Variants in MAP7D2 observed in about 807,000 individuals in gnomAD.
MAP7D2 encodes the protein MAP7 domain containing 2, also known as MAP7 domain-containing protein 2.
Under a neutral mutation model 63.5 loss-of-function variants are expected in MAP7D2, and 33 were observed. The ratio of observed to expected loss-of-function variants is 0.52; its 90% CI spans 0.39 to 0.70. The LOEUF (loss-of-function observed/expected upper bound fraction) is 0.70. MAP7D2 is among the 30% of genes least tolerant of loss of function. The probability of loss-of-function intolerance (pLI) is 0.00; values close to 1 mark genes in which losing one functional copy is unlikely to be tolerated. For synonymous variants in MAP7D2, 224 were observed against 223.7 expected (o/e 1.00, Z -0.01); for missense variants, 626 against 604.0 (o/e 1.04, Z -0.38).
rs189871113 is a variant in MAP7D2 at position 20,074,908 on chromosome X, C to T, written c.131-10103G>A. ...ACTACAAAAAAATACAAAAAATTAG[C>T]TGGGTGTGGTGGTGTGTGCCTGTAG... On this transcript the variant is annotated intron_variant, in intron 1 of 16. Coordinates refer to ENST00000379643, the MANE Select transcript of MAP7D2 (RefSeq NM_001168465.2). 2.7e-5 allele frequency among the ~76,000 whole-genome samples: 3 copies of T among 110,716 alleles called. No individual in the cohort carries two copies. In the Admixed American group the frequency reaches 2.9e-4, roughly 11 times the overall value.
chrX:20,049,850 T>C (rs1331576089), intron 6 of MAP7D2: 2 of 323,993 alleles, frequency 6.2e-6, no homozygotes, highest in Non-Finnish European at 1.2e-5. Flanking sequence ...ACGTGGTTAT[T>C]TCCCCTTTTA....
chrX:20,114,575 C>T (rs148529028), intron 1 of MAP7D2, among the ~76,000 whole-genome samples: 2,469 of 112,348 alleles, frequency 0.022, 24 homozygotes, highest in Non-Finnish European at 0.034. Flanking sequence ...GAAGGCATCA[C>T]TAGGGGGTAA....
At chrX:20,068,157 CTG>C (rs1474296996) in intron 1 of MAP7D2, among the ~76,000 whole-genome samples, 5 of 112,278 alleles carry the variant, frequency 4.5e-5, no homozygotes, top group Non-Finnish European at 9.4e-5. Flanking sequence ...TGTGGAATCT[CTG>C]TGTTCATTTG....
intron 1 of MAP7D2, among the ~76,000 whole-genome samples, chrX:20,076,570 C>T (rs1291909698): frequency 1.8e-5 from 2 of 109,693 alleles, no homozygotes; most frequent in African/African-American, 6.6e-5. Context: ...GGCGTGGTGG[C>T]GTGCACCGTA....
intron 8 of MAP7D2, among the ~76,000 whole-genome samples, chrX:20,036,561 A>G (rs1008332381): frequency 1.3e-4 from 14 of 106,817 alleles, no homozygotes; most frequent in African/African-American, 4.7e-4. Flanking sequence ...CAATTCATCT[A>G]TAGAACAAAC....
intron 1 of MAP7D2, among the ~76,000 whole-genome samples, chrX:20,114,001 A>G (rs1184506666): frequency 1.8e-5 from 2 of 111,395 alleles, no homozygotes; most frequent in Admixed American, 9.6e-5. Flanking sequence ...GCAGTCTCCA[A>G]TAACCACCTA....
chrX:20,056,339 C>T (rs946745128), intron 4 of MAP7D2, among the ~76,000 whole-genome samples: 1 of 111,577 alleles, frequency 9.0e-6, no homozygotes, highest in African/African-American at 3.3e-5. Flanking sequence ...ACAGAGCCTC[C>T]TGCCGTTTCC....
In MAP7D2 at chrX:20,007,660, C is replaced by T. The variant is rs1459840575; in HGVS notation, c.*765G>A. On this transcript the variant is annotated 3_prime_UTR_variant, in exon 17 of 17. Coordinates refer to ENST00000379643, the MANE Select transcript of MAP7D2 (RefSeq NM_001168465.2). The stretch of plus-strand genomic sequence containing the variant: ...TAGGATTCATTCAGCTGGAAAGCCA[C>T]TCCATGGTCTGGAGTGACTACAGCA... The T allele has an allele frequency of 8.9e-6, 1 of 111,788 alleles. No individual in the cohort carries two copies. The highest frequency in any genetic ancestry group is 1.9e-5 in the Non-Finnish European group (1 of 53,179). 9.2% of individuals were successfully genotyped at this position (111,788 alleles called of 1,213,427 possible).
intron 1 of MAP7D2, among the ~76,000 whole-genome samples, chrX:20,072,245 C>T (rs970501977): frequency 1.8e-5 from 2 of 111,404 alleles, no homozygotes; most frequent in African/African-American, 3.3e-5. Context: ...TCCCCATAGC[C>T]CCACCCCCAA....
At chrX:20,084,545 T>TTCCCCCCCCCCCCCCC (rs2065859087) in intron 1 of MAP7D2, among the ~76,000 whole-genome samples, 2 of 55,388 alleles carry the variant, frequency 3.6e-5, no homozygotes, top group Non-Finnish European at 6.5e-5. Context: ...TTCCTTCCTG[T>TTCCCCCCCCCCCCCCC]TCCCTCCCTC....
At chrX:20,009,524 C>T (rs1298427319) in intron 16 of MAP7D2, among the ~76,000 whole-genome samples, 1 of 109,015 alleles carries the variant, frequency 9.2e-6, no homozygotes, top group Non-Finnish European at 1.9e-5. Flanking sequence ...ATTAGCCAGG[C>T]ATGGCGGCGT....
chrX:20,086,370 C>A (rs759763083), intron 1 of MAP7D2, among the ~76,000 whole-genome samples: 3 of 112,061 alleles, frequency 2.7e-5, no homozygotes, highest in African/African-American at 9.7e-5. Flanking sequence ...CCCATTTCAG[C>A]TACACGATAA....
At chrX:20,032,680 T>C (rs1237211044) in intron 8 of MAP7D2, among the ~76,000 whole-genome samples, 4 of 112,390 alleles carry the variant, frequency 3.6e-5, no homozygotes, top group Non-Finnish European at 7.5e-5. Context: ...GTGATTATCT[T>C]TGGCACACTG....
intron 1 of MAP7D2, among the ~76,000 whole-genome samples, chrX:20,081,082 T>C (rs1285058748): frequency 2.7e-5 from 3 of 112,141 alleles, no homozygotes; most frequent in East Asian, 2.8e-4. Context: ...GCTTAGAAGC[T>C]TGTTGCTTTT....
At chrX:20,046,425 A>G (rs1236812542) in intron 6 of MAP7D2, among the ~76,000 whole-genome samples, 1 of 112,940 alleles carries the variant, frequency 8.9e-6, no homozygotes, top group African/African-American at 3.2e-5. Context: ...TCTTTCAGCC[A>G]TCCCTGACAG....
chrX:20,026,484 C>T (rs1020504290), intron 8 of MAP7D2, among the ~76,000 whole-genome samples: 2 of 111,705 alleles, frequency 1.8e-5, no homozygotes, highest in Non-Finnish European at 3.8e-5. Context: ...CCAGGTGACT[C>T]GTATAAATGG....
intron 1 of MAP7D2, among the ~76,000 whole-genome samples, chrX:20,109,350 T>C (rs902844592): frequency 2.8e-5 from 3 of 107,706 alleles, no homozygotes; most frequent in African/African-American, 1.0e-4. Flanking sequence ...TAAAACCCCA[T>C]CTTTACTAAA....
At chrX:20,077,464 A>G (rs758261034) in intron 1 of MAP7D2, among the ~76,000 whole-genome samples, 8 of 111,538 alleles carry the variant, frequency 7.2e-5, no homozygotes, top group Non-Finnish European at 1.5e-4. Context: ...AAAAACAACA[A>G]CGACAACAAC....
intron 8 of MAP7D2, among the ~76,000 whole-genome samples, 192 bp from the exon 9 acceptor site, chrX:20,026,144 C>T (rs1448965235): frequency 1.8e-5 from 2 of 110,909 alleles, no homozygotes; most frequent in African/African-American, 3.3e-5. Flanking sequence ...TCTAAGACGG[C>T]CCTGGTGGAA....
Sources: allele counts gnomAD v4.1 joint callset (sites outside exome capture counted in the v4.1 genomes callset), GRCh38; gene constraint gnomAD v4.1.1; transcripts MANE v1.5; gene names NCBI Gene and HGNC (gene_info 2026-07-23, HGNC 2026-07-21).